GRID2: variants seen among roughly 807,000 people sequenced by gnomAD.
The protein encoded by GRID2 is glutamate receptor ionotropic, delta-2.
GRID2 carries 33 observed loss-of-function variants against 114.8 expected under a neutral mutation model. The observed-to-expected ratio is 0.29, with a 90% CI of 0.22 to 0.38. GRID2 has a LOEUF of 0.38. Among genes scored for constraint, GRID2 ranks in the 10% least tolerant of loss-of-function variants. GRID2 has a pLI of 1.00. For missense variants in GRID2, 1,184 were observed against 1,257.7 expected (o/e 0.94, Z 0.89); for synonymous variants, 505 against 449.9 (o/e 1.12, Z -1.55).
At chr4:92,815,975 CA>C (rs1261137372) in intron 2 of GRID2, among the ~76,000 whole-genome samples, 46 of 125,712 alleles carry the variant, frequency 3.7e-4, no homozygotes, top group South Asian at 1.3e-3. Context: ...AAAAACCAAC[CA>C]AAAAAAAAAC....
chr4:92,553,182 T>C (rs1726680412), intron 1 of GRID2, among the ~76,000 whole-genome samples: 1 of 152,228 alleles, frequency 6.6e-6, no homozygotes, highest in Non-Finnish European at 1.5e-5. Flanking sequence ...TATAGCTTAA[T>C]ATCTAAGACG....
At chr4:92,489,785 G>T in intron 1 of GRID2, among the ~76,000 whole-genome samples, 1 of 151,428 alleles carries the variant, frequency 6.6e-6, no homozygotes. Flanking sequence ...GCTGGAAGTT[G>T]CAGTGAGCCA....
intron 13 of GRID2, among the ~76,000 whole-genome samples, chr4:93,564,583 T>C (rs1027342841): frequency 3.9e-5 from 6 of 152,086 alleles, no homozygotes; most frequent in Non-Finnish European, 7.4e-5. Context: ...AATAAGTGGA[T>C]GGTACCCCTA....
chr4:92,887,064 C>T (rs1746426330), intron 2 of GRID2, among the ~76,000 whole-genome samples: 1 of 152,102 alleles, frequency 6.6e-6, no homozygotes, highest in Non-Finnish European at 1.5e-5. Context: ...CATATGATTT[C>T]TGTAAAAGGC....
intron 3 of GRID2, among the ~76,000 whole-genome samples, chr4:93,093,759 A>G (rs554172182): frequency 1.3e-5 from 2 of 152,122 alleles, no homozygotes; most frequent in Non-Finnish European, 2.9e-5. Flanking sequence ...AAGATTTCTC[A>G]GAATATTGAT....
chr4:92,812,647 A>G lies in GRID2; in HGVS notation c.244+222361A>G, dbSNP rs1472624900. Among the ~76,000 whole-genome samples the G allele has an allele frequency of 3.9e-5, 6 of 152,270 alleles. No individual in the cohort carries two copies. In the East Asian group the frequency reaches 9.7e-4, roughly 25 times the overall value. ...TTTGTTTTCTTATCCAAGCTGAATTATATATAGTGATGATAAGATCACTAG... is the reference window on the plus strand; with the variant it reads ...TTTGTTTTCTTATCCAAGCTGAATTGTATATAGTGATGATAAGATCACTAG... On this transcript the variant is annotated intron_variant, in intron 2 of 15. Transcript: ENST00000282020.
intron 9 of GRID2, among the ~76,000 whole-genome samples, chr4:93,396,719 G>A (rs1765367638): frequency 6.6e-6 from 1 of 151,900 alleles, no homozygotes; most frequent in Admixed American, 6.6e-5. Context: ...AATGGTAACT[G>A]TTATAATTCT....
intron 2 of GRID2, among the ~76,000 whole-genome samples, chr4:92,843,258 A>G (rs1032589706): frequency 4.6e-5 from 7 of 151,958 alleles, no homozygotes; most frequent in Non-Finnish European, 7.4e-5. Flanking sequence ...AAAATAAAAT[A>G]ATAAAATAAA....
At chr4:93,426,068 T>C (rs1768814586) in intron 10 of GRID2, among the ~76,000 whole-genome samples, 1 of 152,142 alleles carries the variant, frequency 6.6e-6, no homozygotes, top group African/African-American at 2.4e-5. Flanking sequence ...CTAACCTAAA[T>C]TGTTTGTAAG....
chr4:93,423,011 A>T (rs769875157), intron 10 of GRID2, 43 bp downstream of exon 10: 2 of 1,332,836 alleles, frequency 1.5e-6, no homozygotes, highest in South Asian at 2.4e-5. Flanking sequence ...TAAAGGTTCA[A>T]TTATTTGTCT....
chr4:93,464,384 C>T (rs747758428), intron 11 of GRID2, among the ~76,000 whole-genome samples: 11 of 152,100 alleles, frequency 7.2e-5, no homozygotes, highest in Non-Finnish European at 4.4e-5. Context: ...ACAAAGTCAA[C>T]ATGTTTTGAA....
chr4:92,759,092 A>G (rs926530933), intron 2 of GRID2, among the ~76,000 whole-genome samples: 1 of 152,162 alleles, frequency 6.6e-6, no homozygotes, highest in Non-Finnish European at 1.5e-5. Context: ...TACTCTAGGG[A>G]CGGGATTCTA....
chr4:93,740,400 G>A (rs1280273982), intron 14 of GRID2, among the ~76,000 whole-genome samples: 3 of 152,276 alleles, frequency 2.0e-5, no homozygotes, highest in South Asian at 2.1e-4. Flanking sequence ...AGAACCCTGG[G>A]TAGTTTTTGG....
At chr4:93,303,273 C>G (rs1024881350) in intron 8 of GRID2, among the ~76,000 whole-genome samples, 2 of 152,168 alleles carry the variant, frequency 1.3e-5, no homozygotes, top group African/African-American at 4.8e-5. Context: ...TAAATCCAAA[C>G]CATATCAGAA....
chr4:92,533,073 C>T lies in GRID2; in HGVS notation c.89-57058C>T, dbSNP rs542022390. The stretch of plus-strand genomic sequence containing the variant: ...TGGGTGACAGAGTGAGATCCTCTGT[C>T]CAAAAAACAAACAAAAATAATTTTT... On this transcript the variant is annotated intron_variant, in intron 1 of 15. Transcript: ENST00000282020. Among the ~76,000 whole-genome samples, 21 of 151,954 alleles carry T rather than the reference C, an allele frequency of 1.4e-4. No homozygotes were observed. The East Asian group carries it at 4.1e-3, about 29-fold the overall frequency.
intron 3 of GRID2, among the ~76,000 whole-genome samples, chr4:93,101,027 G>A (rs1475501390): frequency 6.6e-6 from 1 of 151,902 alleles, no homozygotes; most frequent in East Asian, 1.9e-4. Flanking sequence ...ACTCCATGAG[G>A]GCAAGAACTG....
intron 4 of GRID2, among the ~76,000 whole-genome samples, chr4:93,204,482 G>A (rs1742461759): frequency 6.6e-6 from 1 of 152,230 alleles, no homozygotes; most frequent in Non-Finnish European, 1.5e-5. Flanking sequence ...TATCTTAGAT[G>A]TTAATACTCA....
chr4:92,621,279 A>C (rs186100151), intron 2 of GRID2, among the ~76,000 whole-genome samples: 1 of 151,976 alleles, frequency 6.6e-6, no homozygotes, highest in Admixed American at 6.6e-5. Context: ...GTGATGGTTT[A>C]AGATTTTATT....
At chr4:92,432,363 A>C (rs1319119099) in intron 1 of GRID2, among the ~76,000 whole-genome samples, 1 of 152,144 alleles carries the variant, frequency 6.6e-6, no homozygotes, top group East Asian at 1.9e-4. Context: ...GGGTGGGTCC[A>C]GAAATGCCGT....
Sources: gnomAD v4.1 joint callset for allele counts (sites outside exome capture counted in the v4.1 genomes callset) on GRCh38, gnomAD v4.1.1 for gene constraint, MANE v1.5 for transcripts, NCBI Gene and HGNC (gene_info 2026-07-23, HGNC 2026-07-21) for gene names.